Variants in LRBA observed in about 807,000 individuals in gnomAD.
LRBA encodes lipopolysaccharide-responsive and beige-like anchor protein.
In LRBA, 176 loss-of-function variants were observed where a neutral mutation model predicts 330.0. The observed-to-expected ratio is 0.53, with a 90% CI of 0.47 to 0.60. The LOEUF (loss-of-function observed/expected upper bound fraction) is 0.60. Ranked by LOEUF, LRBA falls within the 20% of genes least tolerant of loss-of-function variation. The pLI, the probability that LRBA is intolerant of heterozygous loss-of-function variation, is 0.00. For synonymous variants in LRBA, 1,230 were observed against 1,193.0 expected (o/e 1.03, Z -0.64); for missense variants, 3,259 against 3,444.8 (o/e 0.95, Z 1.35).
chr4:150,486,998 T>C (rs950125663), intron 42 of LRBA, among the ~76,000 whole-genome samples: 8 of 151,984 alleles, frequency 5.3e-5, no homozygotes, highest in Admixed American at 1.3e-4. Context: ...TAGCATTCCA[T>C]TGCATATATA....
chr4:150,396,478 T>TCACACACACACACA (rs1444805623), intron 47 of LRBA, among the ~76,000 whole-genome samples: 1 of 61,216 alleles, frequency 1.6e-5, no homozygotes, highest in African/African-American at 3.9e-5. Context: ...ATAAATCTCA[T>TCACACACACACACA]CTCACACACA....
At chr4:150,334,123 C>G (rs1734331968) in intron 48 of LRBA, among the ~76,000 whole-genome samples, 1 of 152,032 alleles carries the variant, frequency 6.6e-6, no homozygotes. Flanking sequence ...ATGAACCTAA[C>G]TCAAATTATT....
intron 36 of LRBA, among the ~76,000 whole-genome samples, chr4:150,713,366 A>G (rs1396732860): frequency 6.6e-6 from 1 of 152,180 alleles, no homozygotes; most frequent in Non-Finnish European, 1.5e-5. Context: ...ATAGGTAGAG[A>G]AGGAAAGTTG....
At chr4:150,408,328 G>A (rs1016689100) in intron 47 of LRBA, among the ~76,000 whole-genome samples, 13 of 151,956 alleles carry the variant, frequency 8.6e-5, no homozygotes, top group Non-Finnish European at 1.6e-4. Flanking sequence ...TACTGACATA[G>A]ATTCAAGAAA....
chr4:150,424,535 G>A (rs1444364289), intron 46 of LRBA, among the ~76,000 whole-genome samples: 5 of 152,142 alleles, frequency 3.3e-5, no homozygotes, highest in East Asian at 1.9e-4. Flanking sequence ...CACCTACTGC[G>A]CCAACTCAGG....
chr4:150,291,775 T>G (rs1728328819), intron 53 of LRBA, among the ~76,000 whole-genome samples: 9 of 145,286 alleles, frequency 6.2e-5, no homozygotes, highest in South Asian at 2.3e-4. Context: ...CATGCACACG[T>G]ATGTTTATTG....
At chr4:150,420,013 G>C (rs1425252740) in intron 46 of LRBA, among the ~76,000 whole-genome samples, 1 of 150,648 alleles carries the variant, frequency 6.6e-6, no homozygotes, top group African/African-American at 2.4e-5. Context: ...GAGGCAGAAG[G>C]ATGGCTTGTT....
chr4:150,851,735 A>T, intron 23 of LRBA, 150 bp downstream of exon 23: 1 of 775,102 alleles, frequency 1.3e-6, no homozygotes. Context: ...TGTGCTAATG[A>T]TCTGAAATAC....
chr4:150,586,694 A>T (rs896597799), intron 40 of LRBA, among the ~76,000 whole-genome samples: 2 of 152,192 alleles, frequency 1.3e-5, no homozygotes, highest in Non-Finnish European at 2.9e-5. Context: ...TAACTTCTCT[A>T]AAAGGAGCAA....
At chr4:150,874,317 G>T (rs1321769881) in intron 17 of LRBA, among the ~76,000 whole-genome samples, 2 of 152,180 alleles carry the variant, frequency 1.3e-5, no homozygotes, top group African/African-American at 4.8e-5. Context: ...TGGAGATACT[G>T]TGAGGGAAAG....
chr4:150,989,432 G>A (rs1291273998), intron 2 of LRBA, among the ~76,000 whole-genome samples: 1 of 151,216 alleles, frequency 6.6e-6, no homozygotes, highest in Non-Finnish European at 1.5e-5. Flanking sequence ...GGCCAATATG[G>A]TGAAACCTCG....
At chr4:150,869,115 T>A (rs1457652535) in intron 20 of LRBA, among the ~76,000 whole-genome samples, 1 of 152,028 alleles carries the variant, frequency 6.6e-6, no homozygotes, top group Non-Finnish European at 1.5e-5. Flanking sequence ...GAGACAGCGT[T>A]TCTCCGTCTT....
chr4:150,927,372 TA>T lies in LRBA; in HGVS notation c.549+1143del, dbSNP rs556103105. ...TGGGCAACAGAGCGAGACTCTGCCTTAAAAAAAAAAAAAAAAAAATTTACAG... is the reference window on the plus strand; with the variant it reads ...TGGGCAACAGAGCGAGACTCTGCCTTAAAAAAAAAAAAAAAAAATTTACAG... On this transcript the variant is annotated intron_variant, in intron 4 of 56. Transcript: ENST00000651943. 8.3e-3 allele frequency among the ~76,000 whole-genome samples: 1,040 copies of T among 125,858 alleles called. 3 individuals carry two copies. The highest frequency in any genetic ancestry group is 0.018 in the Middle Eastern group (4 of 220). 82.6% of individuals were successfully genotyped at this position (125,858 alleles called of 152,430 possible).
Position 150,489,427 on chromosome 4 carries a change from CATATAAGAATATATAATATATTAT to C in LRBA, c.6448+1467_6448+1490del, listed in dbSNP as rs1758507866. Among the ~76,000 whole-genome samples, 7 of 38,538 alleles carry C rather than the reference CATATAAGAATATATAATATATTAT, an allele frequency of 1.8e-4. No homozygotes were observed. The Admixed American group carries it at 2.7e-3, about 15-fold the overall frequency. 25.3% of individuals were successfully genotyped at this position (38,538 alleles called of 152,430 possible). On this transcript the variant is annotated intron_variant, in intron 41 of 56. Transcript: ENST00000651943. ...ATATATAAGAATATAAAATATATTA[CATATAAGAATATATAATATATTAT>C]ATATAAGAATATAAAATATATTATA... is the stretch of plus-strand genomic sequence containing the variant.
intron 35 of LRBA, among the ~76,000 whole-genome samples, chr4:150,739,560 TAAG>T (rs1436077626): frequency 1.3e-5 from 2 of 152,130 alleles, no homozygotes; most frequent in African/African-American, 4.8e-5. Context: ...CTTTAGAGTG[TAAG>T]AAGGAGATGG....
chr4:150,858,341 T>C (rs574723984), intron 22 of LRBA, among the ~76,000 whole-genome samples: 2 of 151,634 alleles, frequency 1.3e-5, no homozygotes, highest in Admixed American at 6.6e-5. Context: ...CACCGCACTC[T>C]AGCCTGGGAA....
chr4:150,498,852 A>C (rs1759897196), intron 40 of LRBA, among the ~76,000 whole-genome samples: 1 of 152,164 alleles, frequency 6.6e-6, no homozygotes, highest in Non-Finnish European at 1.5e-5. Context: ...TTTTAGAGTA[A>C]TAAAAATGCT....
At chr4:150,392,521 T>G (rs1363482074) in intron 47 of LRBA, among the ~76,000 whole-genome samples, 7 of 152,140 alleles carry the variant, frequency 4.6e-5, no homozygotes, top group Non-Finnish European at 7.3e-5. Context: ...TCTCCAAATA[T>G]CCTCACATTG....
At chr4:150,747,108 CCAGGT>C (rs1303655341) in intron 35 of LRBA, among the ~76,000 whole-genome samples, 2 of 152,124 alleles carry the variant, frequency 1.3e-5, no homozygotes, top group Non-Finnish European at 2.9e-5. Context: ...TCTAAGAACT[CCAGGT>C]CAGGAACTAC....
Sources: allele counts gnomAD v4.1 joint callset (sites outside exome capture counted in the v4.1 genomes callset), GRCh38; gene constraint gnomAD v4.1.1; transcripts MANE v1.5; gene names NCBI Gene and HGNC (gene_info 2026-07-23, HGNC 2026-07-21).